The following NME7 variants were observed in gnomAD, a reference collection of about 807,000 sequenced individuals.
NME7 encodes nucleoside diphosphate kinase 7.
In NME7, 41 loss-of-function variants were observed where a neutral mutation model predicts 49.1. The ratio of observed to expected loss-of-function variants is 0.83; its 90% CI spans 0.65 to 1.08. The LOEUF (loss-of-function observed/expected upper bound fraction) is 1.08. Ranked by LOEUF, NME7 falls within the 50% of genes least tolerant of loss-of-function variation. The pLI, the probability that NME7 is intolerant of heterozygous loss-of-function variation, is 0.00. For missense variants in NME7, 423 were observed against 463.4 expected (o/e 0.91, Z 0.80); for synonymous variants, 139 against 150.6 (o/e 0.92, Z 0.56).
rs535868860 is a variant in NME7 at position 169,308,373 on chromosome 1, A to G, written c.389+1597T>C. Reference sequence around the variant, plus strand: ...GAATAAATCCAGAAATGAATGATTTATTGAAGCATTAAGAAGATATCTGAC... The same window carrying G: ...GAATAAATCCAGAAATGAATGATTTGTTGAAGCATTAAGAAGATATCTGAC... On this transcript the variant is annotated intron_variant, in intron 4 of 11. Transcript: ENST00000367811. Among the ~76,000 whole-genome samples the G allele has an allele frequency of 3.9e-5, 6 of 152,338 alleles. No individual in the cohort carries two copies. The South Asian group carries it at 8.3e-4, about 21-fold the overall frequency.
At chr1:169,364,791 T>A (rs761522708) in intron 1 of NME7, among the ~76,000 whole-genome samples, 1 of 152,182 alleles carries the variant, frequency 6.6e-6, no homozygotes, top group Non-Finnish European at 1.5e-5. Flanking sequence ...CTTCCAAAAC[T>A]GACCCCCTCT....
chr1:169,333,105 A>G (rs897099632), intron 1 of NME7, among the ~76,000 whole-genome samples: 2 of 152,236 alleles, frequency 1.3e-5, no homozygotes, highest in African/African-American at 4.8e-5. Flanking sequence ...CATATACACA[A>G]TGAAGTACCA....
Position 169,256,030 on chromosome 1 carries a change from C to T in NME7, c.755-18343G>A, listed in dbSNP as rs1439158088. Among the ~76,000 whole-genome samples, 22 of 132,788 alleles carry T rather than the reference C, an allele frequency of 1.7e-4. 1 individual carries two copies. The highest frequency in any genetic ancestry group is 5.6e-4 in the African/African-American group (22 of 39,222). 87.1% of individuals were successfully genotyped at this position (132,788 alleles called of 152,430 possible). A position where few individuals can be genotyped will look rare whatever the true frequency, so the allele number is the denominator to read the frequency against. On this transcript the variant is annotated intron_variant, in intron 7 of 11. Transcript: ENST00000367811. ...TTCATTTCAACTTTGGTGAATCTGA[C>T]CATTATGTGTCTTGGAGTTGCTCTT...
At chr1:169,149,508 AG>A (rs941072940) in intron 11 of NME7, among the ~76,000 whole-genome samples, 2 of 152,196 alleles carry the variant, frequency 1.3e-5, no homozygotes, top group Non-Finnish European at 2.9e-5. Context: ...AACCACATAT[AG>A]TACCAAACCC....
Position 169,342,920 on chromosome 1 carries a change from T to C in NME7, c.4-18420A>G, listed in dbSNP as rs544020321. Reference sequence around the variant, plus strand: ...CAAGTACATATATATAGTGTATATATATATATACAAGTACATATATATACT... The same window carrying C: ...CAAGTACATATATATAGTGTATATACATATATACAAGTACATATATATACT... On this transcript the variant is annotated intron_variant, in intron 1 of 11. Transcript: ENST00000367811. Among the ~76,000 whole-genome samples, 1,011 of 114,430 alleles carry C rather than the reference T, an allele frequency of 8.8e-3. 147 individuals are homozygous for C. Among genetic ancestry groups the C allele is most frequent in the African/African-American group, 0.032 (947 of 29,692 alleles). 75.1% of individuals were successfully genotyped at this position (114,430 alleles called of 152,430 possible).
rs1242145453 is a variant in NME7, at chr1:169,270,855, G to A, written c.754+16448C>T. ...TAATCCAATATCCCATAGCTAGTAA[G>A]TGGCAGAGCCAGAATTCAAACCTAA... is the stretch of plus-strand genomic sequence containing the variant. On this transcript the variant is annotated intron_variant, in intron 7 of 11. Transcript: ENST00000367811. Among the ~76,000 whole-genome samples, 2 of 133,746 alleles carry A rather than the reference G, an allele frequency of 1.5e-5. 1 individual carries two copies. Among genetic ancestry groups the A allele is most frequent in the Admixed American group, 1.5e-4 (2 of 13,518 alleles). The allele number at this position is 133,746 out of a possible 152,430, so 87.7% of individuals were successfully genotyped here. A position where few individuals can be genotyped will look rare whatever the true frequency, so the allele number is the denominator to read the frequency against.
In NME7 at chr1:169,265,755, TA is replaced by T. The variant is rs1219240042; in HGVS notation, c.754+21547del. On this transcript the variant is annotated intron_variant, in intron 7 of 11. Transcript: ENST00000367811. ...GACAAATAAAGAAAAAAGATACAAA[TA>T]AACACAATCAGAAATGACAAAGGAG... Among the ~76,000 whole-genome samples, 9 of 124,460 alleles carry T rather than the reference TA, an allele frequency of 7.2e-5. 1 individual carries two copies. The highest frequency in any genetic ancestry group is 1.9e-4 in the African/African-American group (7 of 37,412). 81.7% of individuals were successfully genotyped at this position (124,460 alleles called of 152,430 possible).
chr1:169,311,723 G>A (rs1651398593), intron 3 of NME7, among the ~76,000 whole-genome samples: 2 of 152,040 alleles, frequency 1.3e-5, no homozygotes, highest in South Asian at 2.1e-4. Context: ...ACTGACCATG[G>A]CTCTTAAAGA....
chr1:169,238,515 A>ACACACC (rs893605472), intron 7 of NME7, among the ~76,000 whole-genome samples: 5 of 148,426 alleles, frequency 3.4e-5, no homozygotes, highest in East Asian at 3.9e-4. Context: ...ACACACACAC[A>ACACACC]CCATATTCTG....
intron 7 of NME7, chr1:169,284,003 G>T (rs1650157308): frequency 6.6e-6 from 1 of 152,156 alleles, no homozygotes; most frequent in African/African-American, 2.4e-5. Context: ...TGTTTTGCTA[G>T]TTTGGGGAAG....
chr1:169,208,590 T>C lies in NME7; in HGVS notation c.990+22128A>G, dbSNP rs1660737387. Among the ~76,000 whole-genome samples, 2 of 152,122 alleles carry C rather than the reference T, an allele frequency of 1.3e-5. 1 individual carries two copies. The highest frequency in any genetic ancestry group is 4.1e-4 in the South Asian group (2 of 4,828). On this transcript the variant is annotated intron_variant, in intron 10 of 11. Transcript: ENST00000367811. ...TTAAACCAAAATAATAGTAAAACTT[T>C]CCAGAAGAAAGGTATATTTCTATTC...
chr1:169,273,957 A>G (rs1316812635), intron 7 of NME7, among the ~76,000 whole-genome samples: 1 of 132,360 alleles, frequency 7.6e-6, no homozygotes, highest in African/African-American at 2.6e-5. Flanking sequence ...CATGATTTAT[A>G]GTCCTTTAGG....
chr1:169,190,045 C>T (rs1342259750), intron 10 of NME7, among the ~76,000 whole-genome samples: 1 of 152,098 alleles, frequency 6.6e-6, no homozygotes, highest in African/African-American at 2.4e-5. Flanking sequence ...CTACTTCTGT[C>T]GTTTTAGAAA....
chr1:169,252,970 T>C (rs1648702897), intron 7 of NME7, among the ~76,000 whole-genome samples: 1 of 149,632 alleles, frequency 6.7e-6, no homozygotes, highest in Admixed American at 6.6e-5. Context: ...TGTAGCCTTG[T>C]AGTATAGTTT....
At chr1:169,233,030 C>T (rs1257933733) in intron 9 of NME7, among the ~76,000 whole-genome samples, 7 of 149,998 alleles carry the variant, frequency 4.7e-5, no homozygotes, top group African/African-American at 1.2e-4. Flanking sequence ...GCTATTCTCA[C>T]GCCTCAGCCT....
intron 7 of NME7, among the ~76,000 whole-genome samples, chr1:169,255,497 T>G (rs61808882): frequency 0.14 from 10,801 of 78,268 alleles, 15 homozygotes; most frequent in Non-Finnish European, 0.18. Context: ...AGCACACTGA[T>G]GGGTCTTGAC....
At chr1:169,216,974 T>C (rs1352326321) in intron 10 of NME7, among the ~76,000 whole-genome samples, 2 of 152,164 alleles carry the variant, frequency 1.3e-5, no homozygotes, top group African/African-American at 4.8e-5. Context: ...TACACAAAAG[T>C]TGTAACTGTG....
At chr1:169,297,641 T>C (rs1312602560) in intron 6 of NME7, among the ~76,000 whole-genome samples, 1 of 152,156 alleles carries the variant, frequency 6.6e-6, no homozygotes, top group African/African-American at 2.4e-5. Context: ...AGATAGAGCA[T>C]TGGAGGCCAC....
At chr1:169,288,136 C>A (rs1650350164) in intron 6 of NME7, among the ~76,000 whole-genome samples, 1 of 152,168 alleles carries the variant, frequency 6.6e-6, no homozygotes, top group African/African-American at 2.4e-5. Context: ...ACCTCAAATA[C>A]CACTTTCCAC....
Sources: allele counts gnomAD v4.1 joint callset (sites outside exome capture counted in the v4.1 genomes callset), GRCh38; gene constraint gnomAD v4.1.1; transcripts MANE v1.5; gene names NCBI Gene and HGNC (gene_info 2026-07-23, HGNC 2026-07-21).